TENM2: variants seen among roughly 807,000 people sequenced by gnomAD.
TENM2 encodes the protein teneurin-2.
Under a neutral mutation model 245.2 loss-of-function variants are expected in TENM2, and 52 were observed. The ratio of observed to expected loss-of-function variants is 0.21; its 90% confidence interval spans 0.17 to 0.27. The LOEUF (loss-of-function observed/expected upper bound fraction) is 0.27. Among genes scored for constraint, TENM2 ranks in the 10% least tolerant of loss-of-function variants. The pLI, the probability that TENM2 is intolerant of heterozygous loss-of-function variation, is 1.00. For missense variants in TENM2, 3,046 were observed against 3,666.8 expected, an observed-to-expected ratio of 0.83 and a Z score of 4.37; for synonymous variants, 1,363 against 1,438.9, an observed-to-expected ratio of 0.95 and a Z score of 1.19.
At chr5:167,071,878 G>GGCCCC in the TENM2 span, among the ~76,000 whole-genome samples, 3 of 124,022 alleles carry the variant, frequency 2.4e-5, no homozygotes, top group Non-Finnish European at 5.1e-5. Flanking sequence ...TTGACAAATC[G>GGCCCC]CCCCCCCCCG....
At chr5:167,178,228 C>T in the TENM2 span, among the ~76,000 whole-genome samples, 1 of 152,164 alleles carries the variant, frequency 6.6e-6, no homozygotes, top group Non-Finnish European at 1.5e-5. Flanking sequence ...GGAAGAAATT[C>T]TGCATTTATA....
At chr5:167,694,795 C>A (rs976147801) in intron 2 of TENM2, among the ~76,000 whole-genome samples, 1 of 151,932 alleles carries the variant, frequency 6.6e-6, no homozygotes, top group Non-Finnish European at 1.5e-5. Context: ...GAAACTGGAC[C>A]GTGTAATCAC....
At chr5:168,056,900 G>A (rs558996308) in intron 6 of TENM2, among the ~76,000 whole-genome samples, 1 of 152,192 alleles carries the variant, frequency 6.6e-6, no homozygotes, top group East Asian at 1.9e-4. Flanking sequence ...TAACCTAGGA[G>A]CAATAGGGTA....
chr5:168,220,729 G>A (rs1383947874), intron 23 of TENM2, among the ~76,000 whole-genome samples: 1 of 152,192 alleles, frequency 6.6e-6, no homozygotes, highest in East Asian at 1.9e-4. Context: ...TCAGGGCAGT[G>A]TGGTCAAGAC....
chr5:167,749,103 C>G (rs1338248101), intron 2 of TENM2, among the ~76,000 whole-genome samples: 2 of 151,940 alleles, frequency 1.3e-5, no homozygotes. Flanking sequence ...ATACTGGTTT[C>G]ATTACATATT....
chr5:167,609,225 A>C (rs1777272560), intron 2 of TENM2, among the ~76,000 whole-genome samples: 1 of 152,104 alleles, frequency 6.6e-6, no homozygotes, highest in African/African-American at 2.4e-5. Context: ...TGTACAGATA[A>C]CAAAACTGAG....
intron 2 of TENM2, among the ~76,000 whole-genome samples, chr5:167,420,518 G>A (rs541769704): frequency 1.4e-4 from 22 of 152,148 alleles, no homozygotes; most frequent in Non-Finnish European, 2.5e-4. Context: ...CCAGCCATGC[G>A]GTCTTTGAAT....
At chr5:167,907,942 C>A (rs1243101933) in intron 3 of TENM2, among the ~76,000 whole-genome samples, 1 of 151,782 alleles carries the variant, frequency 6.6e-6, no homozygotes, top group African/African-American at 2.4e-5. Flanking sequence ...AGATAAAGTT[C>A]TCCGGTTAAT....
At chr5:167,920,391 A>C (rs1313507256) in intron 3 of TENM2, among the ~76,000 whole-genome samples, 1 of 151,188 alleles carries the variant, frequency 6.6e-6, no homozygotes, top group Non-Finnish European at 1.5e-5. Context: ...AGTGGCGGGC[A>C]CATGTAATCC....
intron 2 of TENM2, among the ~76,000 whole-genome samples, chr5:167,668,599 T>G (rs1320927999): frequency 6.6e-6 from 1 of 152,172 alleles, no homozygotes; most frequent in Non-Finnish European, 1.5e-5. Context: ...CTTTTTGCTT[T>G]TAAATGATTC....
At chr5:167,773,921 G>A (rs1763567300) in intron 2 of TENM2, among the ~76,000 whole-genome samples, 1 of 152,058 alleles carries the variant, frequency 6.6e-6, no homozygotes, top group African/African-American at 2.4e-5. Context: ...AATATTAAGT[G>A]AGCGTTCCAA....
chr5:167,691,844 G>A (rs1653160033), intron 2 of TENM2, among the ~76,000 whole-genome samples: 1 of 152,088 alleles, frequency 6.6e-6, no homozygotes, highest in African/African-American at 2.4e-5. Context: ...AGAGGTTGGG[G>A]GCATAGCCCT....
rs1200899052 is a variant in TENM2 at position 168,098,009 on chromosome 5, A to G, written c.1712-17A>G. 4 of 1,590,004 alleles carry G rather than the reference A, an allele frequency of 2.5e-6. No homozygotes were observed. The highest frequency in any genetic ancestry group is 3.4e-6 in the Non-Finnish European group (4 of 1,159,866). ...AGACAGAGGAAAAGGTAAACACTAC[A>G]TTTATCTCTTTTTCAGATTCAGTGC... On this transcript the variant is annotated splice_polypyrimidine_tract_variant and intron_variant, in intron 8 of 28. Transcript: ENST00000518659.
chr5:167,847,809 CTG>C (rs1424753403), intron 2 of TENM2, among the ~76,000 whole-genome samples: 14 of 152,210 alleles, frequency 9.2e-5, no homozygotes, highest in African/African-American at 2.9e-4. Context: ...ACATATTAAT[CTG>C]TGTCTCATGC....
intron 3 of TENM2, among the ~76,000 whole-genome samples, chr5:167,880,511 G>A (rs1413575225): frequency 6.7e-6 from 1 of 149,444 alleles, no homozygotes; most frequent in African/African-American, 2.4e-5. Context: ...GGAAACATAG[G>A]GAAAAGAAGA....
chr5:167,392,751 A>G (rs1426056700), intron 2 of TENM2, among the ~76,000 whole-genome samples: 1 of 152,208 alleles, frequency 6.6e-6, no homozygotes, highest in African/African-American at 2.4e-5. Flanking sequence ...TTCAAAATGT[A>G]TCGAGTAATT....
At chr5:167,388,778 G>A (rs1021047680) in intron 2 of TENM2, among the ~76,000 whole-genome samples, 1 of 152,026 alleles carries the variant, frequency 6.6e-6, no homozygotes, top group Non-Finnish European at 1.5e-5. Flanking sequence ...TCAGGAACAG[G>A]TTATGTAATT....
chr5:167,079,228 T>C, the TENM2 span, among the ~76,000 whole-genome samples: 1 of 150,912 alleles, frequency 6.6e-6, no homozygotes, highest in East Asian at 1.9e-4. Context: ...TTTGTCTCTC[T>C]GTCTCCCTCT....
At chr5:167,818,832 TC>T (rs1767275189) in intron 2 of TENM2, among the ~76,000 whole-genome samples, 1 of 152,172 alleles carries the variant, frequency 6.6e-6, no homozygotes, top group Admixed American at 6.5e-5. Flanking sequence ...CGGGTTGAAT[TC>T]CTTAGTGGGG....
Sources: gnomAD v4.1 joint callset for allele counts (sites outside exome capture counted in the v4.1 genomes callset) on GRCh38, gnomAD v4.1.1 for gene constraint, MANE v1.5 for transcripts, NCBI Gene and HGNC (gene_info 2026-07-23, HGNC 2026-07-21) for gene names.